The following TIA1 variants were observed in gnomAD, a reference collection of about 807,000 sequenced individuals.
The protein encoded by TIA1 is TIA1 cytotoxic granule associated RNA binding protein.
In TIA1, 23 loss-of-function variants were observed where a neutral mutation model predicts 65.9. That is an observed-to-expected ratio of 0.35 (90% CI 0.25 to 0.49). The LOEUF is 0.49. Ranked by LOEUF, TIA1 falls within the 20% of genes least tolerant of loss-of-function variation. The probability of loss-of-function intolerance (pLI) is 0.98; values close to 1 mark genes in which losing one functional copy is unlikely to be tolerated. For missense variants in TIA1, 371 were observed against 477.9 expected (o/e 0.78, Z 2.09); for synonymous variants, 147 against 149.4 (o/e 0.98, Z 0.12).
At chr2:70,224,188 G>T (rs1050618312) in intron 7 of TIA1, among the ~76,000 whole-genome samples, 16 of 152,214 alleles carry the variant, frequency 1.1e-4, no homozygotes, top group Admixed American at 7.9e-4. Context: ...AAAGTGTTGG[G>T]ATTACAGGTG....
chr2:70,248,611 CCAATA>C lies in TIA1; in HGVS notation c.-186_-182del. On this transcript the variant is annotated 5_prime_UTR_variant, in exon 1 of 13. Transcript: ENST00000433529. ...CCGGCCCAGCGGGAACAATGAAACC[CCAATA>C]CAAGATGGCGGCGAGCCGGGAGCCT... is the stretch of plus-strand genomic sequence containing the variant. 1.2e-6 allele frequency: 1 copy of C among 820,930 alleles called. No homozygotes were observed. 50.9% of individuals were successfully genotyped at this position (820,930 alleles called of 1,614,324 possible).
chr2:70,216,465 T>C lies in TIA1; in HGVS notation c.618A>G (p.Val206=). The change falls in exon 9 of 13, where the codon GTA becomes GTG. Residue 206 remains valine, a synonymous_variant. Coordinates refer to ENST00000433529, the MANE Select transcript of TIA1 (RefSeq NM_022173.4). ...TACAGTTGCTTGGACTAGACTGATT[T>C]ACAACCTCATCATATGATAGCTGTT... ...NTKQLSYDEV[V]NQSSPSNCTV... is the part of the protein sequence containing the mutation. The C allele has an allele frequency of 6.2e-7, 1 of 1,614,018 alleles. No homozygotes were observed. The highest frequency in any genetic ancestry group is 8.5e-7 in the Non-Finnish European group (1 of 1,179,960).
Position 70,209,603 on chromosome 2 carries a change from T to G in TIA1, c.*3116A>C. On this transcript the variant is annotated 3_prime_UTR_variant, in exon 13 of 13. Transcript: ENST00000433529. Reference sequence around the variant, plus strand: ...AAACGATTGGGGACTATCATTTTTGTGATTTAACAACAGAGAAAATCCAGG... The same window carrying G: ...AAACGATTGGGGACTATCATTTTTGGGATTTAACAACAGAGAAAATCCAGG... The G allele has an allele frequency of 2.5e-6, 1 of 398,382 alleles. No homozygotes were observed. The highest frequency in any genetic ancestry group is 6.3e-4 in the Middle Eastern group (1 of 1,584). 24.7% of individuals were successfully genotyped at this position (398,382 alleles called of 1,614,324 possible). A position where few individuals can be genotyped will look rare whatever the true frequency, so the allele number is the denominator to read the frequency against.
chr2:70,230,713 A>G (rs201244553), intron 3 of TIA1, 43 bp downstream of exon 3: 1 of 1,439,518 alleles, frequency 6.9e-7, no homozygotes, highest in Non-Finnish European at 9.5e-7. Context: ...TATAACTTAA[A>G]TTTTTTCAGT....
At position 70,211,421 on chromosome 2, in the gene TIA1, T is replaced by TG. The variant is rs11454237; in HGVS notation, c.*1297_*1298insC. The TG allele has an allele frequency of 4.2e-5, 5 of 118,260 alleles. No individual in the cohort carries two copies. The highest frequency in any genetic ancestry group is 1.6e-4 in the African/African-American group (5 of 31,576). 7.3% of individuals were successfully genotyped at this position (118,260 alleles called of 1,614,324 possible). A position where few individuals can be genotyped will look rare whatever the true frequency, so the allele number is the denominator to read the frequency against. On this transcript the variant is annotated 3_prime_UTR_variant, in exon 13 of 13. Transcript: ENST00000433529. The stretch of plus-strand genomic sequence containing the variant: ...TGTTTAAAGAGGTAGGATTTTAAGG[T>TG]TTTTTTTTTGTTTATCTTTTGGCCT...
intron 2 of TIA1, among the ~76,000 whole-genome samples, chr2:70,231,691 A>G (rs910605422): frequency 3.3e-5 from 5 of 152,094 alleles, no homozygotes; most frequent in Admixed American, 1.3e-4. Context: ...CCTCCCTGTT[A>G]TAAGTTACTT....
chr2:70,219,738 CTTT>C (rs1165514822), intron 7 of TIA1, among the ~76,000 whole-genome samples: 11 of 105,852 alleles, frequency 1.0e-4, no homozygotes, highest in Non-Finnish European at 7.5e-5. Flanking sequence ...GGTCGCCAGG[CTTT>C]TTTTTTTTTT....
chr2:70,215,826 G>A (rs1027381327), intron 10 of TIA1, among the ~76,000 whole-genome samples: 3 of 152,048 alleles, frequency 2.0e-5, no homozygotes, highest in African/African-American at 7.2e-5. Flanking sequence ...TTGGCTCACT[G>A]CAACCTCCAC....
At position 70,236,669 on chromosome 2, in the gene TIA1, C is replaced by T. The variant is rs72902488; in HGVS notation, c.27-494G>A. ...TTCAGACAAGGTCTTCTGGGTTGCC[C>T]AGACTAGAGTGTAGTGGCGCAATCT... On this transcript the variant is annotated intron_variant, in intron 1 of 12. Transcript: ENST00000433529. 6.9e-3 allele frequency among the ~76,000 whole-genome samples: 1,043 copies of T among 152,204 alleles called. 13 individuals carry two copies. Among genetic ancestry groups the T allele is most frequent in the African/African-American group, 0.024 (1,006 of 41,524 alleles).
intron 7 of TIA1, among the ~76,000 whole-genome samples, chr2:70,223,146 G>T (rs911812095): frequency 6.6e-6 from 1 of 151,974 alleles, no homozygotes; most frequent in Non-Finnish European, 1.5e-5. Context: ...CCATCAAACC[G>T]CCAATTTATT....
chr2:70,214,644 AAAAAAAAAAAAAAAC>A (rs1215602403), intron 11 of TIA1, 150 bp from the exon 12 acceptor site: 1 of 581,956 alleles, frequency 1.7e-6, no homozygotes, highest in Non-Finnish European at 2.7e-6. Context: ...AAAAAAAAAA[AAAAAAAAAAAAAAAC>A]AAAAAACAAC....
At chr2:70,215,572 AG>A in intron 10 of TIA1, 78 bp from the exon 11 acceptor site, 1 of 1,366,984 alleles carries the variant, frequency 7.3e-7, no homozygotes, top group South Asian at 1.4e-5. Flanking sequence ...TTAAAAATCA[AG>A]GTGAGTCTGA....
rs1181159998 is a variant in TIA1 at position 70,212,700 on chromosome 2, T to C, written c.*19A>G. ...CCCTGTAGCCTCAAGCCACTGGCTT[T>C]AGATTCTGGAGTCCTTATTCACTGG... On this transcript the variant is annotated 3_prime_UTR_variant, in exon 13 of 13. Transcript: ENST00000433529. 23 of 1,518,336 alleles carry C rather than the reference T, an allele frequency of 1.5e-5. No homozygotes were observed. Among genetic ancestry groups the C allele is most frequent in the Admixed American group, 3.3e-5 (2 of 59,898 alleles). 94.1% of individuals were successfully genotyped at this position (1,518,336 alleles called of 1,614,324 possible).
upstream of TIA1, chr2:70,248,719 A>G: frequency 3.9e-6 from 2 of 513,770 alleles, no homozygotes; most frequent in Non-Finnish European, 7.0e-6. Context: ...CCGCCCGGCT[A>G]CACCTTAATC....
At chr2:70,223,745 T>A (rs1028972104) in intron 7 of TIA1, among the ~76,000 whole-genome samples, 3 of 150,042 alleles carry the variant, frequency 2.0e-5, no homozygotes, top group African/African-American at 7.4e-5. Flanking sequence ...AAAAAAAAAT[T>A]AAAAAAAAAG....
chr2:70,228,969 C>G, intron 5 of TIA1, 90 bp downstream of exon 5: 1 of 312,100 alleles, frequency 3.2e-6, no homozygotes, highest in Non-Finnish European at 4.6e-6. Flanking sequence ...CTCCCGCCCC[C>G]CTCCCCCAAA....
chr2:70,248,649 G>A (rs1023569055), upstream of TIA1: 44 of 635,708 alleles, frequency 6.9e-5, no homozygotes, highest in African/African-American at 6.8e-4. Context: ...CCTAGGAGCA[G>A]CCAGCAAAGT....
chr2:70,217,857 C>T (rs866144889), intron 7 of TIA1, among the ~76,000 whole-genome samples: 1 of 152,118 alleles, frequency 6.6e-6, no homozygotes, highest in African/African-American at 2.4e-5. Flanking sequence ...CTGAAAAGGT[C>T]GTGAGCCCGA....
intron 2 of TIA1, among the ~76,000 whole-genome samples, chr2:70,232,172 G>A (rs1426938109): frequency 8.2e-5 from 11 of 134,926 alleles, no homozygotes; most frequent in Non-Finnish European, 1.5e-4. Context: ...TTGCACCACT[G>A]CACTCCAGCC....
Sources: gnomAD v4.1 joint callset for allele counts (sites outside exome capture counted in the v4.1 genomes callset) on GRCh38, gnomAD v4.1.1 for gene constraint, MANE v1.5 for transcripts, NCBI Gene and HGNC (gene_info 2026-07-23, HGNC 2026-07-21) for gene names.